The following PLD5 variants were observed in gnomAD, a reference collection of about 807,000 sequenced individuals.
PLD5 encodes inactive phospholipase D5.
PLD5 carries 36 observed loss-of-function variants against 61.1 expected under a neutral mutation model. The ratio of observed to expected loss-of-function variants is 0.59; its 90% CI spans 0.45 to 0.78. PLD5 has a LOEUF of 0.78. Ranked by LOEUF, PLD5 falls within the 30% of genes least tolerant of loss-of-function variation. The probability of loss-of-function intolerance (pLI) is 0.00; values close to 1 mark genes in which losing one functional copy is unlikely to be tolerated. For synonymous variants in PLD5, 243 were observed against 242.8 expected (o/e 1.00, Z -0.01); for missense variants, 515 against 644.4 (o/e 0.80, Z 2.17).
intron 4 of PLD5, among the ~76,000 whole-genome samples, chr1:242,237,559 G>T (rs1027061322): frequency 6.6e-6 from 1 of 152,164 alleles, no homozygotes; most frequent in Non-Finnish European, 1.5e-5. Flanking sequence ...GTGCATGGTG[G>T]GCCACTGGTG....
At chr1:242,441,316 G>A (rs1194779738) in intron 1 of PLD5, among the ~76,000 whole-genome samples, 2 of 152,074 alleles carry the variant, frequency 1.3e-5, no homozygotes, top group Non-Finnish European at 2.9e-5. Flanking sequence ...TGTATGGTAT[G>A]TTTTTAGTAG....
At chr1:242,375,279 C>T (rs975127582) in intron 1 of PLD5, among the ~76,000 whole-genome samples, 3 of 152,160 alleles carry the variant, frequency 2.0e-5, no homozygotes, top group African/African-American at 7.2e-5. Context: ...GTCAGCCGTG[C>T]CGTCTGCCTC....
intron 5 of PLD5, among the ~76,000 whole-genome samples, chr1:242,216,629 C>T (rs2148998078): frequency 6.6e-6 from 1 of 152,368 alleles, no homozygotes; most frequent in South Asian, 2.1e-4. Context: ...GCAAGCTTCG[C>T]TGACTGTTCA....
In PLD5 at chr1:242,143,461, T is replaced by C. The variant is rs145388359; in HGVS notation, c.736-18796A>G. On this transcript the variant is annotated intron_variant, in intron 5 of 9. Coordinates refer to ENST00000536534, the MANE Select transcript of PLD5 (RefSeq NM_001372062.1). ...GTGAATGACTGGTGAATTAAGTGGA[T>C]ATGAAATCACCTCATGGAAGTGGTA... Among the ~76,000 whole-genome samples, 767 of 152,308 alleles carry C rather than the reference T, an allele frequency of 5.0e-3. 6 individuals are homozygous for C. Among genetic ancestry groups the C allele is most frequent in the South Asian group, 0.018 (89 of 4,830 alleles).
At chr1:242,189,852 G>C (rs1668137289) in intron 5 of PLD5, among the ~76,000 whole-genome samples, 1 of 152,302 alleles carries the variant, frequency 6.6e-6, no homozygotes, top group South Asian at 2.1e-4. Flanking sequence ...CCAAGAAGGG[G>C]GGCAAGCTTG....
At chr1:242,187,341 C>G (rs543881881) in intron 5 of PLD5, among the ~76,000 whole-genome samples, 1 of 152,246 alleles carries the variant, frequency 6.6e-6, no homozygotes, top group East Asian at 1.9e-4. Context: ...GCAGAAAGAC[C>G]CAGGGTCCTT....
chr1:242,468,839 C>T (rs898470932), intron 1 of PLD5, among the ~76,000 whole-genome samples: 3 of 152,190 alleles, frequency 2.0e-5, no homozygotes, highest in African/African-American at 7.2e-5. Context: ...GCATCATGCT[C>T]CACGTGGTTT....
chr1:242,147,360 G>A (rs1014903441), intron 5 of PLD5, among the ~76,000 whole-genome samples: 1 of 152,146 alleles, frequency 6.6e-6, no homozygotes, highest in Non-Finnish European at 1.5e-5. Context: ...TCTTTTTATT[G>A]CTGAGTAAGG....
intron 7 of PLD5, among the ~76,000 whole-genome samples, chr1:242,108,142 C>T (rs955215202): frequency 3.3e-5 from 5 of 152,250 alleles, no homozygotes; most frequent in East Asian, 1.9e-4. Context: ...ACATCTCTGA[C>T]GCTACCTGGG....
At chr1:242,164,446 G>A (rs1428520519) in intron 5 of PLD5, among the ~76,000 whole-genome samples, 1 of 151,808 alleles carries the variant, frequency 6.6e-6, no homozygotes, top group Non-Finnish European at 1.5e-5. Flanking sequence ...AGCATGACCA[G>A]TCTCCAGATT....
At chr1:242,497,271 G>T (rs1172645089) in intron 1 of PLD5, among the ~76,000 whole-genome samples, 1 of 152,138 alleles carries the variant, frequency 6.6e-6, no homozygotes, top group Non-Finnish European at 1.5e-5. Context: ...AATGACACCA[G>T]ATAACCTTAC....
intron 1 of PLD5, among the ~76,000 whole-genome samples, chr1:242,411,101 A>C (rs1664524213): frequency 6.6e-6 from 1 of 152,234 alleles, no homozygotes; most frequent in Non-Finnish European, 1.5e-5. Flanking sequence ...TAACAGAAAG[A>C]ATCATAAAAT....
chr1:242,476,370 A>G (rs1055941948), intron 1 of PLD5, among the ~76,000 whole-genome samples: 1 of 152,084 alleles, frequency 6.6e-6, no homozygotes, highest in Non-Finnish European at 1.5e-5. Context: ...AAAAAAGAAA[A>G]AAGAAAAAAG....
intron 1 of PLD5, among the ~76,000 whole-genome samples, chr1:242,425,322 T>C (rs1270361660): frequency 6.6e-6 from 1 of 152,242 alleles, no homozygotes; most frequent in African/African-American, 2.4e-5. Flanking sequence ...GTGTAGCATG[T>C]AACTGTCCTG....
chr1:242,214,716 C>T (rs1352503456), intron 5 of PLD5, among the ~76,000 whole-genome samples: 4 of 152,048 alleles, frequency 2.6e-5, no homozygotes, highest in Non-Finnish European at 5.9e-5. Flanking sequence ...AGGTGTTAAC[C>T]CTAGAGGATT....
intron 5 of PLD5, among the ~76,000 whole-genome samples, chr1:242,191,556 A>T (rs1668288277): frequency 6.6e-6 from 1 of 151,952 alleles, no homozygotes. Context: ...ACTGCACTCC[A>T]GCCTGGGCAA....
At chr1:242,108,072 C>T (rs923546187) in intron 7 of PLD5, among the ~76,000 whole-genome samples, 1 of 152,090 alleles carries the variant, frequency 6.6e-6, no homozygotes, top group Non-Finnish European at 1.5e-5. Flanking sequence ...ACCACCAGGT[C>T]CTTGGGCTGT....
chr1:242,235,211 G>T (rs572124487), intron 4 of PLD5, among the ~76,000 whole-genome samples: 4 of 152,232 alleles, frequency 2.6e-5, no homozygotes, highest in African/African-American at 9.6e-5. Context: ...ACAGGGTTCT[G>T]ATTTGGCCAC....
intron 6 of PLD5, among the ~76,000 whole-genome samples, chr1:242,119,103 A>G (rs1662171383): frequency 6.6e-6 from 1 of 152,182 alleles, no homozygotes; most frequent in Non-Finnish European, 1.5e-5. Context: ...TTACCAGTCA[A>G]GAGCTCTTGA....
Sources: gnomAD v4.1 joint callset for allele counts (sites outside exome capture counted in the v4.1 genomes callset) on GRCh38, gnomAD v4.1.1 for gene constraint, MANE v1.5 for transcripts, NCBI Gene and HGNC (gene_info 2026-07-23, HGNC 2026-07-21) for gene names.